Variants in PLD3 observed in about 807,000 individuals in gnomAD.
The protein encoded by PLD3 is 5'-3' exonuclease PLD3.
PLD3 carries 31 observed loss-of-function variants against 58.4 expected under a neutral mutation model. The observed-to-expected ratio is 0.53, with a 90% CI of 0.40 to 0.72. The LOEUF is 0.72. Ranked by LOEUF, PLD3 falls within the 30% of genes least tolerant of loss-of-function variation. The probability of loss-of-function intolerance (pLI) is 0.00; values close to 1 mark genes in which losing one functional copy is unlikely to be tolerated. For missense variants in PLD3, 595 were observed against 659.8 expected, an observed-to-expected ratio of 0.90 and a Z score of 1.08; for synonymous variants, 264 against 273.4, an observed-to-expected ratio of 0.97 and a Z score of 0.34.
intron 1 of PLD3, among the ~76,000 whole-genome samples, chr19:40,364,652 C>T (rs1176684605): frequency 1.3e-5 from 2 of 150,762 alleles, no homozygotes; most frequent in African/African-American, 2.4e-5. Context: ...AAAAATTAGC[C>T]GGGCATGGTG....
At chr19:40,355,612 C>CT (rs60422933) in intron 1 of PLD3, among the ~76,000 whole-genome samples, 24,023 of 81,160 alleles carry the variant, frequency 0.3, 3,185 homozygotes, top group Non-Finnish European at 0.31. Flanking sequence ...GTGCCGGCTC[C>CT]TTTTTTTTTT....
chr19:40,378,139 C>T lies in PLD3; in HGVS notation c.1439C>T (p.Ala480Val), dbSNP rs1291237404. Residue 480 changes from alanine (A) to valine (V), a missense_variant, in exon 13 of 13, where the codon GCT (alanine) becomes GTT (valine). Physicochemically the swap from Ala to Val is moderately conservative, Grantham distance 64. Coordinates refer to ENST00000409735, the MANE Select transcript of PLD3 (RefSeq NM_012268.4). ...SPYSHDLDTS[A>V]DSVGNACRLL ...TACAGCCATGACCTTGACACCTCAG[C>T]TGACAGCGTGGGCAACGCCTGCCGC... 8.1e-6 allele frequency: 13 copies of T among 1,612,788 alleles called. No individual in the cohort carries two copies. The highest frequency in any genetic ancestry group is 6.7e-5 in the African/African-American group (5 of 74,914).
At chr19:40,355,210 T>C (rs954070143) in intron 1 of PLD3, among the ~76,000 whole-genome samples, 17 of 152,274 alleles carry the variant, frequency 1.1e-4, no homozygotes, top group African/African-American at 4.1e-4. Context: ...CCCTGCTTTA[T>C]TTTTTTCCAA....
chr19:40,364,920 T>C (rs182711131), intron 1 of PLD3, among the ~76,000 whole-genome samples: 1 of 151,770 alleles, frequency 6.6e-6, no homozygotes, highest in African/African-American at 2.4e-5. Flanking sequence ...GCTATGATCA[T>C]GCTGCTGCAC....
Position 40,366,428 on chromosome 19 carries a change from C to G in PLD3, c.-56C>G. 2 of 1,565,966 alleles carry G rather than the reference C, an allele frequency of 1.3e-6. No homozygotes were observed. The highest frequency in any genetic ancestry group is 1.8e-6 in the Non-Finnish European group (2 of 1,136,336). On this transcript the variant is annotated 5_prime_UTR_variant, in exon 3 of 13. Coordinates refer to ENST00000409735, the MANE Select transcript of PLD3 (RefSeq NM_012268.4). ...ACTTTTGTTCTGCCAGTTTGGAGAC[C>G]CTGACACACCCACCTTCTCACCTGG...
At chr19:40,372,633 ATTTT>A (rs58157604) in intron 9 of PLD3, among the ~76,000 whole-genome samples, 2 of 141,750 alleles carry the variant, frequency 1.4e-5, no homozygotes, top group African/African-American at 2.6e-5. Context: ...ATTTCTTTCT[ATTTT>A]TTTTTTTTTT....
chr19:40,377,835 C>T lies in PLD3; in HGVS notation c.1235C>T (p.Ala412Val). The T allele has an allele frequency of 6.2e-7, 1 of 1,614,008 alleles. No homozygotes were observed. ...ADEAQARIPY[A>V]RVNHNKYMVT... The stretch of plus-strand genomic sequence containing the variant: ...GAGGCCCAGGCTCGAATCCCATATG[C>T]CCGTGTCAACCACAACAAGTACATG... Residue 412 changes from alanine (A) to valine (V), a missense_variant, in exon 12 of 13, where the codon GCC (alanine) becomes GTC (valine). Ala to Val is a moderately conservative substitution (Grantham distance 64). Coordinates refer to ENST00000409735, the MANE Select transcript of PLD3 (RefSeq NM_012268.4).
chr19:40,366,854 T>A lies in PLD3; in HGVS notation c.184T>A (p.Tyr62Asn). Residue 62 changes from tyrosine (Y) to asparagine (N), a missense_variant, in exon 5 of 13, where the codon TAC becomes AAC. Coordinates refer to ENST00000409735, the MANE Select transcript of PLD3 (RefSeq NM_012268.4). ...GATGACTCAGCTGTTTCTATGGGAA[T>A]ACGGCGACTTGCATCTCTTTGGGCC... ...ALMTQLFLWEYGDLHLFGPNQ... is the reference protein window; with the variant it reads ...ALMTQLFLWENGDLHLFGPNQ... 6.2e-7 allele frequency: 1 copy of A among 1,614,072 alleles called. No homozygotes were observed. Among genetic ancestry groups the A allele is most frequent in the Non-Finnish European group, 8.5e-7 (1 of 1,180,000 alleles).
At chr19:40,353,571 T>C (rs867164381) in intron 1 of PLD3, among the ~76,000 whole-genome samples, 1 of 151,998 alleles carries the variant, frequency 6.6e-6, no homozygotes, top group South Asian at 2.1e-4. Flanking sequence ...ATTTTTCTTT[T>C]CTTTTCTTTT....
intron 1 of PLD3, among the ~76,000 whole-genome samples, chr19:40,365,114 G>A (rs1158619459): frequency 6.6e-6 from 1 of 152,140 alleles, no homozygotes; most frequent in African/African-American, 2.4e-5. Context: ...TTCCTGCCAT[G>A]TGTGTTTGGG....
chr19:40,375,159 C>CA (rs927680678), intron 10 of PLD3, among the ~76,000 whole-genome samples: 2 of 149,310 alleles, frequency 1.3e-5, no homozygotes, highest in East Asian at 2.0e-4. Context: ...GACTCTGTCT[C>CA]AAAAAAACAA....
In PLD3 at chr19:40,362,110, T is replaced by C. The variant is rs144403908; in HGVS notation, c.-278-3608T>C. Among the ~76,000 whole-genome samples, 1,219 of 152,302 alleles carry C rather than the reference T, an allele frequency of 8.0e-3. 22 individuals carry two copies. Among genetic ancestry groups the C allele is most frequent in the African/African-American group, 0.028 (1,164 of 41,572 alleles). On this transcript the variant is annotated intron_variant, in intron 1 of 12. Coordinates refer to ENST00000409735, the MANE Select transcript of PLD3 (RefSeq NM_012268.4). ...CATCGGCCCCCCAAAGTGCTGGCAT[T>C]ACAGGCGTGAGACACCGCGCCTGGC...
intron 10 of PLD3, among the ~76,000 whole-genome samples, chr19:40,375,649 CAAAAA>C (rs59711528): frequency 1.0e-5 from 1 of 96,190 alleles, no homozygotes; most frequent in Non-Finnish European, 2.0e-5. Context: ...GACACCTTCT[CAAAAA>C]AAAAAAAAAG....
chr19:40,373,372 T>C (rs926705843), intron 9 of PLD3, among the ~76,000 whole-genome samples: 1 of 150,940 alleles, frequency 6.6e-6, no homozygotes, highest in Non-Finnish European at 1.5e-5. Context: ...AGCTCAGGGG[T>C]TGGAGACCAG....
At chr19:40,367,024 G>C (rs998818028) in intron 5 of PLD3, 109 bp downstream of exon 5, 1 of 1,305,200 alleles carries the variant, frequency 7.7e-7, no homozygotes, top group Non-Finnish European at 1.0e-6. Context: ...CTTGCGACAA[G>C]TGAGGAGGTT....
At chr19:40,375,655 AAAAAAAAAGAAAAG>A (rs1257927892) in intron 10 of PLD3, among the ~76,000 whole-genome samples, 1 of 149,936 alleles carries the variant, frequency 6.7e-6, no homozygotes, top group Admixed American at 6.6e-5. Context: ...TTCTCAAAAA[AAAAAAAAAGAAAAG>A]AAAAAAAAAA....
chr19:40,374,055 GCTGGGCGGGCTTGTTAAAACCCAGATTC>G (rs2145700783), intron 9 of PLD3, among the ~76,000 whole-genome samples: 1 of 150,312 alleles, frequency 6.7e-6, no homozygotes, highest in East Asian at 2.0e-4. Context: ...CCCAGAATCA[GCTGGGCGGGCTTGTTAAAACCCAGATTC>G]CTGGACCCCA....
chr19:40,371,597 G>T, intron 8 of PLD3, 76 bp from the exon 9 acceptor site: 1 of 958,318 alleles, frequency 1.0e-6, no homozygotes, highest in Non-Finnish European at 1.6e-6. Context: ...GAAAGACAGA[G>T]ACCAGACTGG....
intron 1 of PLD3, among the ~76,000 whole-genome samples, chr19:40,362,460 G>A (rs1252494309): frequency 1.3e-5 from 2 of 152,176 alleles, no homozygotes; most frequent in African/African-American, 2.4e-5. Flanking sequence ...TTATGAGACA[G>A]GCTCTCACTC....
Sources: allele counts gnomAD v4.1 joint callset (sites outside exome capture counted in the v4.1 genomes callset), GRCh38; gene constraint gnomAD v4.1.1; transcripts MANE v1.5; gene names NCBI Gene and HGNC (gene_info 2026-07-23, HGNC 2026-07-21).